GABRG3: variants seen among roughly 807,000 people sequenced by gnomAD.
GABRG3 encodes gamma-aminobutyric acid receptor subunit gamma-3.
Under a neutral mutation model 48.8 loss-of-function variants are expected in GABRG3, and 25 were observed. That is an observed-to-expected ratio of 0.51 (90% CI 0.37 to 0.72). The LOEUF (loss-of-function observed/expected upper bound fraction) is 0.72, where lower values mean the gene tolerates loss of function less well. Among genes scored for constraint, GABRG3 ranks in the 30% least tolerant of loss-of-function variants. The pLI is 0.00. For synonymous variants in GABRG3, 227 were observed against 217.6 expected, an observed-to-expected ratio of 1.04 and a Z score of -0.38; for missense variants, 394 against 577.9, an observed-to-expected ratio of 0.68 and a Z score of 3.26.
At chr15:27,454,899 CTT>C (rs890122351) in intron 5 of GABRG3, among the ~76,000 whole-genome samples, 4 of 152,184 alleles carry the variant, frequency 2.6e-5, no homozygotes, top group Non-Finnish European at 5.9e-5. Context: ...TGTACCAAAT[CTT>C]GTATGAACCA....
At chr15:27,089,996 C>T (rs1463897786) in intron 3 of GABRG3, among the ~76,000 whole-genome samples, 1 of 152,200 alleles carries the variant, frequency 6.6e-6, no homozygotes, top group African/African-American at 2.4e-5. Context: ...TTAAATAGAA[C>T]TGCTATGAAC....
chr15:27,308,415 C>G (rs1892817763), intron 3 of GABRG3, among the ~76,000 whole-genome samples: 2 of 144,668 alleles, frequency 1.4e-5, no homozygotes, highest in Admixed American at 1.4e-4. Flanking sequence ...CATATATAAA[C>G]ATGTAATGTA....
chr15:27,352,987 G>A lies in GABRG3; in HGVS notation c.574+24099G>A, dbSNP rs1031842620. ...GGGTGTTAGGTATTTGAAGTGTGACGTCTACAAACCTCCCGACTTCTGTGT... is the reference window on the plus strand; with the variant it reads ...GGGTGTTAGGTATTTGAAGTGTGACATCTACAAACCTCCCGACTTCTGTGT... On this transcript the variant is annotated intron_variant, in intron 5 of 9. Coordinates refer to ENST00000615808, the MANE Select transcript of GABRG3 (RefSeq NM_033223.5). This position sits in a 1 kb window ranked among gnomAD's most constrained non-coding sequence, Gnocchi z 4.0. Among the ~76,000 whole-genome samples, 1 of 152,114 alleles carries A rather than the reference G, an allele frequency of 6.6e-6. No homozygotes were observed. The highest frequency in any genetic ancestry group is 2.4e-5 in the African/African-American group (1 of 41,408).
At chr15:27,452,551 A>G (rs1289682129) in intron 5 of GABRG3, among the ~76,000 whole-genome samples, 1 of 152,234 alleles carries the variant, frequency 6.6e-6, no homozygotes, top group African/African-American at 2.4e-5. Context: ...TATATGCATT[A>G]TATACTGGAT....
At chr15:27,246,296 C>T (rs1474678787) in intron 3 of GABRG3, among the ~76,000 whole-genome samples, 1 of 151,968 alleles carries the variant, frequency 6.6e-6, no homozygotes, top group Non-Finnish European at 1.5e-5. Flanking sequence ...AACTTTTAAT[C>T]CCAAGACAAT....
chr15:27,257,309 G>A (rs938539928), intron 3 of GABRG3, among the ~76,000 whole-genome samples: 1 of 151,874 alleles, frequency 6.6e-6, no homozygotes. Context: ...ATCCCTTATC[G>A]AATGTACAAT....
At chr15:27,174,947 T>C (rs970779529) in intron 3 of GABRG3, among the ~76,000 whole-genome samples, 1 of 152,046 alleles carries the variant, frequency 6.6e-6, no homozygotes, top group African/African-American at 2.4e-5. Flanking sequence ...ACGTGGGCAT[T>C]GCTGTTAGGT....
chr15:27,241,803 CAT>C (rs1328217440), intron 3 of GABRG3, among the ~76,000 whole-genome samples: 3 of 152,220 alleles, frequency 2.0e-5, no homozygotes, highest in African/African-American at 7.2e-5. Flanking sequence ...CTTTCACTGT[CAT>C]ATGACATTAT....
intron 5 of GABRG3, among the ~76,000 whole-genome samples, chr15:27,404,466 G>T (rs1282166486): frequency 6.6e-6 from 1 of 152,128 alleles, no homozygotes; most frequent in Non-Finnish European, 1.5e-5. Flanking sequence ...TTGTTTATAC[G>T]TGGGCGTCAA....
intron 3 of GABRG3, among the ~76,000 whole-genome samples, chr15:27,131,634 A>T (rs1204408981): frequency 6.6e-6 from 1 of 151,998 alleles, no homozygotes; most frequent in African/African-American, 2.4e-5. Context: ...AATTTTTTTT[A>T]AAGTTTTATT....
At position 27,073,085 on chromosome 15, in the gene GABRG3, G is replaced by A. The variant is rs148988844; in HGVS notation, c.270+46264G>A. ...TACCTGAGCAGTCTGTTGAGTGTGG[G>A]GTGACTTGATGTGTCCAGGGATTGA... is the stretch of plus-strand genomic sequence containing the variant. On this transcript the variant is annotated intron_variant, in intron 3 of 9. Coordinates refer to ENST00000615808, the MANE Select transcript of GABRG3 (RefSeq NM_033223.5). Among the ~76,000 whole-genome samples the A allele has an allele frequency of 1.3e-3, 200 of 152,336 alleles. 3 individuals carry two copies. Among genetic ancestry groups the A allele is most frequent in the Middle Eastern group, 6.8e-3 (2 of 294 alleles).
At chr15:27,397,091 T>G (rs899766914) in intron 5 of GABRG3, among the ~76,000 whole-genome samples, 1 of 152,098 alleles carries the variant, frequency 6.6e-6, no homozygotes, top group African/African-American at 2.4e-5. Context: ...ACATAAACTT[T>G]AAAAAAATCT....
At chr15:27,254,967 G>A (rs952680299) in intron 3 of GABRG3, among the ~76,000 whole-genome samples, 3 of 152,126 alleles carry the variant, frequency 2.0e-5, no homozygotes, top group African/African-American at 7.2e-5. Flanking sequence ...TGCAACCACA[G>A]CCGGCCCTGA....
intron 3 of GABRG3, among the ~76,000 whole-genome samples, chr15:27,228,559 A>G (rs1889698100): frequency 6.6e-6 from 1 of 152,162 alleles, no homozygotes; most frequent in Admixed American, 6.5e-5. Flanking sequence ...GGAATGATTT[A>G]TATTCCTCTG....
chr15:27,274,553 C>T (rs1387408589), intron 3 of GABRG3, among the ~76,000 whole-genome samples: 2 of 152,168 alleles, frequency 1.3e-5, no homozygotes, highest in Non-Finnish European at 2.9e-5. Flanking sequence ...GAGAACTGTA[C>T]CAAGCCCAGT....
intron 3 of GABRG3, among the ~76,000 whole-genome samples, chr15:27,308,816 ATAGTG>A (rs1204346902): frequency 6.7e-6 from 1 of 149,182 alleles, no homozygotes; most frequent in Non-Finnish European, 1.5e-5. Context: ...AAAAACACAT[ATAGTG>A]TAAACATACG....
chr15:27,260,621 G>T (rs1416935011), intron 3 of GABRG3, among the ~76,000 whole-genome samples: 1 of 152,202 alleles, frequency 6.6e-6, no homozygotes, highest in African/African-American at 2.4e-5. Flanking sequence ...TTGAGCATCT[G>T]TAGATTTTGG....
chr15:26,981,122 C>A (rs1420179603), intron 2 of GABRG3, among the ~76,000 whole-genome samples: 1 of 152,126 alleles, frequency 6.6e-6, no homozygotes, highest in Non-Finnish European at 1.5e-5. Flanking sequence ...GAACTTTCAT[C>A]CCAACAAGGA....
At chr15:27,522,210 C>G (rs1272209361) in intron 7 of GABRG3, among the ~76,000 whole-genome samples, 1 of 151,896 alleles carries the variant, frequency 6.6e-6, no homozygotes, top group Non-Finnish European at 1.5e-5. Context: ...CAGTTGCCAT[C>G]TTTAAAGTAC....
Sources: gnomAD v4.1 joint callset for allele counts (sites outside exome capture counted in the v4.1 genomes callset) on GRCh38, gnomAD v4.1.1 for gene constraint, Gnocchi (gnomAD v3.1) non-coding constraint, MANE v1.5 for transcripts, NCBI Gene and HGNC (gene_info 2026-07-23, HGNC 2026-07-21) for gene names.